HDGFL3: variants seen among roughly 807,000 people sequenced by gnomAD.
HDGFL3 encodes HDGF like 3.
HDGFL3 carries 6 observed loss-of-function variants against 27.6 expected under a neutral mutation model. That is an observed-to-expected ratio of 0.22 (90% CI 0.12 to 0.43). The LOEUF (loss-of-function observed/expected upper bound fraction) is 0.43, where lower values mean the gene tolerates loss of function less well. Among genes scored for constraint, HDGFL3 ranks in the 20% least tolerant of loss-of-function variants. The probability of loss-of-function intolerance (pLI) is 1.00; values close to 1 mark genes in which losing one functional copy is unlikely to be tolerated. For missense variants in HDGFL3, 207 were observed against 250.1 expected, an observed-to-expected ratio of 0.83 and a Z score of 1.16; for synonymous variants, 88 against 88.9, an observed-to-expected ratio of 0.99 and a Z score of 0.05.
chr15:83,207,248 G>A lies in HDGFL3; in HGVS notation c.84+83C>T, dbSNP rs1407518820. ...CCGCGAGCTGCGGGCTCGGGGCTGA[G>A]GCGATGGGGAAAGGGGGCGGGCGCG... On this transcript the variant is annotated intron_variant, in intron 1 of 5. Coordinates refer to ENST00000299633, the MANE Select transcript of HDGFL3 (RefSeq NM_016073.4). The surrounding 1 kb of genome is among the most constrained non-coding windows in gnomAD (Gnocchi z 4.8). 9 of 989,394 alleles carry A rather than the reference G, an allele frequency of 9.1e-6. No homozygotes were observed. Among genetic ancestry groups the A allele is most frequent in the Non-Finnish European group, 5.4e-6 (4 of 744,018 alleles). The allele number at this position is 989,394 out of a possible 1,614,324, so 61.3% of individuals were successfully genotyped here. A position where few individuals can be genotyped will look rare whatever the true frequency, so the allele number is the denominator to read the frequency against.
rs529045654 is a variant in HDGFL3, at chr15:83,175,862, A to C, written c.85-11787T>G. ...GCGACAGAGCGAGACTTCGTCTCAA[A>C]AACAAAAAACAAAAAAAAACACACA... is the stretch of plus-strand genomic sequence containing the variant. On this transcript the variant is annotated intron_variant, in intron 1 of 5. Transcript: ENST00000299633. Among the ~76,000 whole-genome samples, 4 of 152,312 alleles carry C rather than the reference A, an allele frequency of 2.6e-5. No homozygotes were observed. The South Asian group carries it at 8.3e-4, about 32-fold the overall frequency.
rs1024023511 is a variant in HDGFL3, at chr15:83,131,496, G to A, written c.*7774C>T. ...AAATACAAAAAATTAGCTGGGTGTG[G>A]TGGTGGGCATCTATAATCCCAGCTA... On this transcript the variant is annotated 3_prime_UTR_variant, in exon 6 of 6. Coordinates refer to ENST00000299633, the MANE Select transcript of HDGFL3 (RefSeq NM_016073.4). The A allele has an allele frequency of 6.6e-6, 1 of 152,356 alleles. No homozygotes were observed. Among genetic ancestry groups the A allele is most frequent in the African/African-American group, 2.4e-5 (1 of 41,446 alleles). The allele number at this position is 152,356 out of a possible 1,614,324, so 9.4% of individuals were successfully genotyped here.
At chr15:83,148,695 TA>T (rs1284002921) in intron 5 of HDGFL3, among the ~76,000 whole-genome samples, 2 of 151,868 alleles carry the variant, frequency 1.3e-5, no homozygotes, top group African/African-American at 4.8e-5. Flanking sequence ...GGAGACTGGA[TA>T]AATAAGTTGT....
chr15:83,142,901 TTAAG>T (rs1472260355), intron 5 of HDGFL3, among the ~76,000 whole-genome samples: 1 of 152,216 alleles, frequency 6.6e-6, no homozygotes, highest in African/African-American at 2.4e-5. Context: ...AAAATGCTAT[TTAAG>T]TAATGGATTT....
intron 1 of HDGFL3, among the ~76,000 whole-genome samples, chr15:83,183,964 A>C (rs1484918961): frequency 1.9e-4 from 29 of 152,258 alleles, no homozygotes; most frequent in Non-Finnish European, 1.5e-5. Flanking sequence ...TATATATTTC[A>C]TTTTAATGGG....
At chr15:83,157,251 T>C in intron 4 of HDGFL3, 164 bp downstream of exon 4, 1 of 691,050 alleles carries the variant, frequency 1.4e-6, no homozygotes, top group Non-Finnish European at 2.4e-6. Context: ...TGCTCTAATA[T>C]CTAAGGTTAC....
downstream of HDGFL3, among the ~76,000 whole-genome samples, chr15:83,123,865 CA>C (rs2035489344): frequency 6.6e-6 from 1 of 152,184 alleles, no homozygotes; most frequent in Non-Finnish European, 1.5e-5. Flanking sequence ...CAGTGACAGC[CA>C]GGGCCAAGCA....
In HDGFL3 at chr15:83,136,112, G is replaced by C. The variant is rs2036591926; in HGVS notation, c.*3158C>G. ...GAACCACAACTGAGTCTGTATGCAGGATCTCCAGAACGCAAATCAGAAAAA... is the reference window on the plus strand; with the variant it reads ...GAACCACAACTGAGTCTGTATGCAGCATCTCCAGAACGCAAATCAGAAAAA... On this transcript the variant is annotated 3_prime_UTR_variant, in exon 6 of 6. Coordinates refer to ENST00000299633, the MANE Select transcript of HDGFL3 (RefSeq NM_016073.4). The C allele has an allele frequency of 6.1e-6, 1 of 163,906 alleles. No individual in the cohort carries two copies. The highest frequency in any genetic ancestry group is 2.4e-5 in the African/African-American group (1 of 41,908). The allele number at this position is 163,906 out of a possible 1,614,324, so 10.2% of individuals were successfully genotyped here.
chr15:83,182,609 G>A lies in HDGFL3; in HGVS notation c.85-18534C>T, dbSNP rs79970877. On this transcript the variant is annotated intron_variant, in intron 1 of 5. Coordinates refer to ENST00000299633, the MANE Select transcript of HDGFL3 (RefSeq NM_016073.4). ...TCTAGAAAAGGAAAAGCAAATCTATGGTGAAAAAAAATCTGAGTATGATTA... is the reference window on the plus strand; with the variant it reads ...TCTAGAAAAGGAAAAGCAAATCTATAGTGAAAAAAAATCTGAGTATGATTA... 3.2e-3 allele frequency among the ~76,000 whole-genome samples: 483 copies of A among 152,122 alleles called. 9 individuals are homozygous for A. In the East Asian group the frequency reaches 0.061, roughly 19 times the overall value.
At chr15:83,206,896 CCGCCGGCACT>C (rs1422170992) in intron 1 of HDGFL3, among the ~76,000 whole-genome samples, 1 of 152,246 alleles carries the variant, frequency 6.6e-6, no homozygotes, top group Admixed American at 6.5e-5. Flanking sequence ...GATTTACTGC[CCGCCGGCACT>C]CGCCGGCTCG....
intron 3 of HDGFL3, among the ~76,000 whole-genome samples, chr15:83,117,738 G>C (rs977326464): frequency 6.6e-6 from 1 of 152,090 alleles, no homozygotes; most frequent in Non-Finnish European, 1.5e-5. Flanking sequence ...GATGGGGCTT[G>C]GTCCAGCAGG....
At chr15:83,169,840 G>C (rs1211292123) in intron 1 of HDGFL3, among the ~76,000 whole-genome samples, 1 of 151,984 alleles carries the variant, frequency 6.6e-6, no homozygotes, top group Non-Finnish European at 1.5e-5. Context: ...TTGTCAAAAG[G>C]CTCCTGGTAA....
chr15:83,132,278 T>C lies in HDGFL3; in HGVS notation c.*6992A>G, dbSNP rs998526176. ...GATATGCCTTATGTTGTTCCGAAGA[T>C]TAACCTGAAGACAAACTAATTAAAT... On this transcript the variant is annotated 3_prime_UTR_variant, in exon 6 of 6. Transcript: ENST00000299633. 6.6e-6 allele frequency: 1 copy of C among 152,224 alleles called. No homozygotes were observed. Among genetic ancestry groups the C allele is most frequent in the Non-Finnish European group, 1.5e-5 (1 of 68,048 alleles). The allele number at this position is 152,224 out of a possible 1,614,324, so 9.4% of individuals were successfully genotyped here. A position where few individuals can be genotyped will look rare whatever the true frequency, so the allele number is the denominator to read the frequency against.
chr15:83,207,471 CCCCCCCGCGGGCCGACGAATTGCGCCGCG>C lies in HDGFL3; in HGVS notation c.-86_-58del, dbSNP rs1289732373. On this transcript the variant is annotated 5_prime_UTR_variant, in exon 1 of 6. Transcript: ENST00000299633. The surrounding 1 kb of genome is among the most constrained non-coding windows in gnomAD (Gnocchi z 4.8). ...TCGCCGCGAAGATGCCGGGAGGCCGCCCCCCCGCGGGCCGACGAATTGCGCCGCGCTCCCCGCGGGCCTCAAGCCGGGCG... is the reference window on the plus strand; with the variant it reads ...TCGCCGCGAAGATGCCGGGAGGCCGCCTCCCCGCGGGCCTCAAGCCGGGCG... 2.5e-6 allele frequency: 3 copies of C among 1,204,274 alleles called. No individual in the cohort carries two copies. Among genetic ancestry groups the C allele is most frequent in the Non-Finnish European group, 3.2e-6 (3 of 950,202 alleles). The allele number at this position is 1,204,274 out of a possible 1,614,324, so 74.6% of individuals were successfully genotyped here.
chr15:83,114,403 T>C (rs977859648), exon 4 of HDGFL3: 3 of 152,278 alleles, frequency 2.0e-5, no homozygotes, highest in Admixed American at 6.5e-5. Context: ...TCAGCAATCA[T>C]TGGCAGATTA....
intron 3 of HDGFL3, chr15:83,121,895 A>C: frequency 6.4e-7 from 1 of 1,562,268 alleles, no homozygotes; most frequent in African/African-American, 1.4e-5. Flanking sequence ...TACCAAGTCA[A>C]GATTTTTTTG....
chr15:83,180,852 G>C (rs1197457663), intron 1 of HDGFL3: 1 of 151,944 alleles, frequency 6.6e-6, no homozygotes, highest in Non-Finnish European at 1.5e-5. Flanking sequence ...GGCTAGGCTG[G>C]TCTCGAACTC....
chr15:83,175,419 T>G (rs983809508), intron 1 of HDGFL3, among the ~76,000 whole-genome samples: 1 of 152,248 alleles, frequency 6.6e-6, no homozygotes, highest in Non-Finnish European at 1.5e-5. Context: ...CTAAGCCATT[T>G]AAAGTGTACA....
chr15:83,191,307 C>T (rs928797659), intron 1 of HDGFL3, among the ~76,000 whole-genome samples: 6 of 152,066 alleles, frequency 3.9e-5, no homozygotes, highest in South Asian at 2.1e-4. Flanking sequence ...CAATTAAACA[C>T]GCATTTATAA....
Sources: gnomAD v4.1 joint callset for allele counts (sites outside exome capture counted in the v4.1 genomes callset) on GRCh38, gnomAD v4.1.1 for gene constraint, Gnocchi (gnomAD v3.1) non-coding constraint, MANE v1.5 for transcripts, NCBI Gene and HGNC (gene_info 2026-07-23, HGNC 2026-07-21) for gene names.